Variants in KCNA1 observed in about 807,000 individuals in gnomAD.
The protein encoded by KCNA1 is potassium voltage-gated channel subfamily A member 1, also known as potassium channel, voltage gated shaker related subfamily A, member 1.
In KCNA1, 19 loss-of-function variants were observed where a neutral mutation model predicts 28.8. The ratio of observed to expected loss-of-function variants is 0.66; its 90% CI spans 0.46 to 0.97. KCNA1 has a LOEUF of 0.97. KCNA1 is among the 50% of genes least tolerant of loss of function. KCNA1 has a pLI of 0.00. For synonymous variants in KCNA1, 311 were observed against 268.8 expected (o/e 1.16, Z -1.53); for missense variants, 419 against 659.7 (o/e 0.64, Z 4.00).
In KCNA1 at chr12:4,911,402, C is replaced by G. The variant is rs1477627699; in HGVS notation, c.24C>G (p.Asn8Lys). 3 of 1,612,882 alleles carry G rather than the reference C, an allele frequency of 1.9e-6. No individual in the cohort carries two copies. The highest frequency in any genetic ancestry group is 1.7e-6 in the Non-Finnish European group (2 of 1,179,808). Residue 8 changes from asparagine to lysine, a missense_variant, in exon 2 of 2, where the codon AAC becomes AAG. Coordinates refer to ENST00000382545, the MANE Select transcript of KCNA1 (RefSeq NM_000217.3). The surrounding 1 kb of genome is among the most constrained non-coding windows in gnomAD (Gnocchi z 6.6). ...CCATGACGGTGATGTCTGGGGAGAA[C>G]GTGGACGAGGCTTCGGCCGCCCCGG... MTVMSGE[N>K]VDEASAAPGH...
At position 4,911,814 on chromosome 12, in the gene KCNA1, G is replaced by C; in HGVS notation, c.436G>C (p.Glu146Gln). The change falls in exon 2 of 2, where the codon GAG (glutamate) becomes CAG (glutamine). Residue 146 changes from glutamate to glutamine, a missense_variant. Physicochemically the swap from Glu to Gln is conservative, Grantham distance 29 (BLOSUM62 2). Around this residue, in one of 4 missense-constraint regions of KCNA1, gnomAD observed 217 missense variants for 329.6 expected, o/e 0.66. Coordinates refer to ENST00000382545, the MANE Select transcript of KCNA1 (RefSeq NM_000217.3). The surrounding 1 kb of genome is among the most constrained non-coding windows in gnomAD (Gnocchi z 6.6). ...CAAGGAGGAGGAGCGCCCTCTGCCC[G>C]AGAAGGAGTACCAGCGCCAGGTGTG... ...FIKEEERPLP[E>Q]KEYQRQVWLL... 4 of 1,613,958 alleles carry C rather than the reference G, an allele frequency of 2.5e-6. No homozygotes were observed. Among genetic ancestry groups the C allele is most frequent in the Non-Finnish European group, 3.4e-6 (4 of 1,179,948 alleles).
At position 4,917,383 on chromosome 12, in the gene KCNA1, T is replaced by A. The variant is rs1947392059; in HGVS notation, c.*4517T>A. The A allele has an allele frequency of 6.0e-6, 1 of 167,118 alleles. No homozygotes were observed. Among genetic ancestry groups the A allele is most frequent in the Non-Finnish European group, 1.5e-5 (1 of 68,118 alleles). 10.4% of individuals were successfully genotyped at this position (167,118 alleles called of 1,614,324 possible). The stretch of plus-strand genomic sequence containing the variant: ...CAGGTAAACCTTTAAAGAATGTATG[T>A]TACTTACCATTTTTGTAAAGAAGCA... On this transcript the variant is annotated 3_prime_UTR_variant, in exon 2 of 2. Transcript: ENST00000382545.
rs1135401950 is a variant in KCNA1 at position 4,912,561 on chromosome 12, G to A, written c.1183G>A (p.Ala395Thr). 1 of 1,613,700 alleles carries A rather than the reference G, an allele frequency of 6.2e-7. No homozygotes were observed. The highest frequency in any genetic ancestry group is 8.5e-7 in the Non-Finnish European group (1 of 1,179,968). ...GATCGTGGGCTCCTTGTGTGCCATC[G>A]CTGGTGTGCTAACAATTGCCCTGCC... ...GKIVGSLCAI[A>T]GVLTIALPVP... The change falls in exon 2 of 2, where the codon GCT becomes ACT. Residue 395 changes from alanine (A) to threonine (T), a missense_variant. Transcript: ENST00000382545.
rs745560718 is a variant in KCNA1, at chr12:4,916,396, C to T, written c.*3530C>T. 2 of 167,130 alleles carry T rather than the reference C, an allele frequency of 1.2e-5. No individual in the cohort carries two copies. The highest frequency in any genetic ancestry group is 2.9e-5 in the Non-Finnish European group (2 of 68,134). 10.4% of individuals were successfully genotyped at this position (167,130 alleles called of 1,614,324 possible). ...CCAGGGCTGTTAGCCATCCCAGAATCTCTGAAGTGGTTAACTCACCTGAAG... is the reference window on the plus strand; with the variant it reads ...CCAGGGCTGTTAGCCATCCCAGAATTTCTGAAGTGGTTAACTCACCTGAAG... On this transcript the variant is annotated 3_prime_UTR_variant, in exon 2 of 2. Transcript: ENST00000382545.
rs1340985082 is a variant in KCNA1 at position 4,913,747 on chromosome 12, A to T, written c.*881A>T. The T allele has an allele frequency of 6.0e-6, 1 of 167,022 alleles. No homozygotes were observed. Among genetic ancestry groups the T allele is most frequent in the Non-Finnish European group, 1.5e-5 (1 of 68,130 alleles). 10.3% of individuals were successfully genotyped at this position (167,022 alleles called of 1,614,324 possible). A position where few individuals can be genotyped will look rare whatever the true frequency, so the allele number is the denominator to read the frequency against. On this transcript the variant is annotated 3_prime_UTR_variant, in exon 2 of 2. Transcript: ENST00000382545. ...ATGTAAGCATGTTTGAATCTGATAC[A>T]ATTTATTTTATAATCGCATGCTGAG...
rs998741310 is a variant in KCNA1, at chr12:4,916,722, G to T, written c.*3856G>T. ...GTAGGGCAGGTTTAGATTCCACTATGGTGGACGTGAAGCACAGGTGGTGTC... is the reference window on the plus strand; with the variant it reads ...GTAGGGCAGGTTTAGATTCCACTATTGTGGACGTGAAGCACAGGTGGTGTC... On this transcript the variant is annotated 3_prime_UTR_variant, in exon 2 of 2. Coordinates refer to ENST00000382545, the MANE Select transcript of KCNA1 (RefSeq NM_000217.3). 1 of 167,000 alleles carries T rather than the reference G, an allele frequency of 6.0e-6. No individual in the cohort carries two copies. The highest frequency in any genetic ancestry group is 1.5e-5 in the Non-Finnish European group (1 of 68,096). The allele number at this position is 167,000 out of a possible 1,614,324, so 10.3% of individuals were successfully genotyped here. A position where few individuals can be genotyped will look rare whatever the true frequency, so the allele number is the denominator to read the frequency against.
In KCNA1 at chr12:4,911,846, C is replaced by T. The variant is rs1055080837; in HGVS notation, c.468C>T (p.Leu156=). 4.3e-6 allele frequency: 7 copies of T among 1,613,980 alleles called. No individual in the cohort carries two copies. The highest frequency in any genetic ancestry group is 3.3e-5 in the South Asian group (3 of 91,044). Reference sequence around the variant, plus strand: ...AGTACCAGCGCCAGGTGTGGCTGCTCTTCGAGTACCCCGAGAGCTCGGGGC... The same window carrying T: ...AGTACCAGCGCCAGGTGTGGCTGCTTTTCGAGTACCCCGAGAGCTCGGGGC... ...EKEYQRQVWL[L]FEYPESSGPA... is the part of the protein sequence containing the mutation. The change falls in exon 2 of 2, where the codon CTC becomes CTT. Residue 156 remains leucine, a synonymous_variant. Coordinates refer to ENST00000382545, the MANE Select transcript of KCNA1 (RefSeq NM_000217.3). The surrounding 1 kb of genome is among the most constrained non-coding windows in gnomAD (Gnocchi z 6.6).
At position 4,912,990 on chromosome 12, in the gene KCNA1, T is replaced by C; in HGVS notation, c.*124T>C. On this transcript the variant is annotated 3_prime_UTR_variant, in exon 2 of 2. Coordinates refer to ENST00000382545, the MANE Select transcript of KCNA1 (RefSeq NM_000217.3). ...ACTTTACTAAGTAGACTTGGAATGC[T>C]CTATTTAACTGTCAATGCGTTGTTG... 1.3e-6 allele frequency: 1 copy of C among 769,888 alleles called. No individual in the cohort carries two copies. Among genetic ancestry groups the C allele is most frequent in the Middle Eastern group, 2.3e-4 (1 of 4,268 alleles). The allele number at this position is 769,888 out of a possible 1,614,324, so 47.7% of individuals were successfully genotyped here.
chr12:4,912,441 C>T lies in KCNA1; in HGVS notation c.1063C>T (p.His355Tyr). 6.2e-7 allele frequency: 1 copy of T among 1,613,956 alleles called. No individual in the cohort carries two copies. The highest frequency in any genetic ancestry group is 8.5e-7 in the Non-Finnish European group (1 of 1,180,012). The change falls in exon 2 of 2, where the codon CAC becomes TAC. Residue 355 changes from histidine to tyrosine, a missense_variant. By Grantham distance (83) the His-to-Tyr change is moderately conservative. Around this residue, in one of 4 missense-constraint regions of KCNA1, gnomAD observed 54 missense variants for 186.4 expected, o/e 0.29. Coordinates refer to ENST00000382545, the MANE Select transcript of KCNA1 (RefSeq NM_000217.3). Reference protein sequence around the residue: ...YFAEAEEAESHFSSIPDAFWW... With the variant: ...YFAEAEEAESYFSSIPDAFWW... ...TGCCGAGGCGGAAGAAGCTGAGTCG[C>T]ACTTCTCCAGTATCCCCGATGCTTT... is the stretch of plus-strand genomic sequence containing the variant.
rs1389451812 is a variant in KCNA1 at position 4,917,034 on chromosome 12, G to A, written c.*4168G>A. 6.0e-6 allele frequency: 1 copy of A among 167,018 alleles called. No homozygotes were observed. Among genetic ancestry groups the A allele is most frequent in the Non-Finnish European group, 1.5e-5 (1 of 68,114 alleles). 10.3% of individuals were successfully genotyped at this position (167,018 alleles called of 1,614,324 possible). ...AAAGGAGAAAGAACATTAGCAGAAG[G>A]CACTTTCCCATTTTCTTCCAGGAAT... On this transcript the variant is annotated 3_prime_UTR_variant, in exon 2 of 2. Transcript: ENST00000382545.
rs1015925230 is a variant in KCNA1 at position 4,910,606 on chromosome 12, T to G, written c.-540+134T>G. On this transcript the variant is annotated intron_variant, in intron 1 of 1. Transcript: ENST00000382545. This position sits in a 1 kb window ranked among gnomAD's most constrained non-coding sequence, Gnocchi z 4.9. Reference sequence around the variant, plus strand: ...CTCTCGGCGCTTTTCCGATCTCTAGTTTAACGAAGTTGTAAACAGATCGGC... The same window carrying G: ...CTCTCGGCGCTTTTCCGATCTCTAGGTTAACGAAGTTGTAAACAGATCGGC... The G allele has an allele frequency of 7.2e-5, 11 of 152,648 alleles. No individual in the cohort carries two copies. The highest frequency in any genetic ancestry group is 2.4e-4 in the African/African-American group (10 of 41,438). The allele number at this position is 152,648 out of a possible 1,614,324, so 9.5% of individuals were successfully genotyped here.
Position 4,911,038 on chromosome 12 carries a change from G to A in KCNA1, c.-341G>A, listed in dbSNP as rs1033729370. On this transcript the variant is annotated 5_prime_UTR_variant, in exon 2 of 2. Transcript: ENST00000382545. The surrounding 1 kb of genome is among the most constrained non-coding windows in gnomAD (Gnocchi z 6.6). ...AGCAATGGCCCAGTCCGCTAGAACG[G>A]CACTGCGTTAAGGCACCTGGGATCA... is the stretch of plus-strand genomic sequence containing the variant. 5 of 378,714 alleles carry A rather than the reference G, an allele frequency of 1.3e-5. No homozygotes were observed. Among genetic ancestry groups the A allele is most frequent in the African/African-American group, 1.0e-4 (5 of 47,992 alleles). 23.5% of individuals were successfully genotyped at this position (378,714 alleles called of 1,614,324 possible).
rs969708488 is a variant in KCNA1 at position 4,911,108 on chromosome 12, C to G, written c.-271C>G. ...CAACAACAGAAAACCAACAAACCCC[C>G]AAACCCAAACCCAACCCTCTGCAAA... On this transcript the variant is annotated 5_prime_UTR_variant, in exon 2 of 2. Transcript: ENST00000382545. The surrounding 1 kb of genome is among the most constrained non-coding windows in gnomAD (Gnocchi z 6.6). 4 of 574,342 alleles carry G rather than the reference C, an allele frequency of 7.0e-6. No homozygotes were observed. The highest frequency in any genetic ancestry group is 1.2e-5 in the Non-Finnish European group (4 of 321,244). 35.6% of individuals were successfully genotyped at this position (574,342 alleles called of 1,614,324 possible). A position where few individuals can be genotyped will look rare whatever the true frequency, so the allele number is the denominator to read the frequency against.
In KCNA1 at chr12:4,910,974, A is replaced by G. The variant is rs1292866805; in HGVS notation, c.-405A>G. ...GCCGGCACTGCACCGGGTCCTAGGA[A>G]GGCTCTCGGAGGGGAGGGGAGGCCA... On this transcript the variant is annotated 5_prime_UTR_variant, in exon 2 of 2. Coordinates refer to ENST00000382545, the MANE Select transcript of KCNA1 (RefSeq NM_000217.3). The surrounding 1 kb of genome is among the most constrained non-coding windows in gnomAD (Gnocchi z 4.9). 1 of 246,926 alleles carries G rather than the reference A, an allele frequency of 4.0e-6. No individual in the cohort carries two copies. The highest frequency in any genetic ancestry group is 7.9e-6 in the Non-Finnish European group (1 of 126,118). 15.3% of individuals were successfully genotyped at this position (246,926 alleles called of 1,614,324 possible). A position where few individuals can be genotyped will look rare whatever the true frequency, so the allele number is the denominator to read the frequency against.
At position 4,911,350 on chromosome 12, in the gene KCNA1, G is replaced by A. The variant is rs75906135; in HGVS notation, c.-29G>A. 6.8e-6 allele frequency: 11 copies of A among 1,607,146 alleles called. No homozygotes were observed. In the East Asian group the frequency reaches 2.5e-4, roughly 36 times the overall value. On this transcript the variant is annotated 5_prime_UTR_variant, in exon 2 of 2. Transcript: ENST00000382545. The surrounding 1 kb of genome is among the most constrained non-coding windows in gnomAD (Gnocchi z 6.6). Reference sequence around the variant, plus strand: ...GCTTCCCACCCCGGGCTCTCTCCTGGCCTCCCACCCCCGCGCCCGGCTTCC... The same window carrying A: ...GCTTCCCACCCCGGGCTCTCTCCTGACCTCCCACCCCCGCGCCCGGCTTCC...
chr12:4,911,411 G>C lies in KCNA1; in HGVS notation c.33G>C (p.Glu11Asp). MTVMSGENVD[E>D]ASAAPGHPQD... Reference sequence around the variant, plus strand: ...TGATGTCTGGGGAGAACGTGGACGAGGCTTCGGCCGCCCCGGGCCACCCCC... The same window carrying C: ...TGATGTCTGGGGAGAACGTGGACGACGCTTCGGCCGCCCCGGGCCACCCCC... The change falls in exon 2 of 2, where the codon GAG becomes GAC. Residue 11 changes from glutamate to aspartate, a missense_variant. Glu to Asp is a conservative substitution (Grantham distance 45, BLOSUM62 2). Around this residue, in one of 4 missense-constraint regions of KCNA1, gnomAD observed 67 missense variants for 57.2 expected, o/e 1.17. Transcript: ENST00000382545. This position sits in a 1 kb window ranked among gnomAD's most constrained non-coding sequence, Gnocchi z 6.6. The C allele has an allele frequency of 6.2e-7, 1 of 1,613,140 alleles. No individual in the cohort carries two copies.
chr12:4,918,094 T>A lies in KCNA1; in HGVS notation c.*5228T>A, dbSNP rs980308198. The A allele has an allele frequency of 2.4e-5, 4 of 167,124 alleles. No homozygotes were observed. Among genetic ancestry groups the A allele is most frequent in the Non-Finnish European group, 5.9e-5 (4 of 68,124 alleles). 10.4% of individuals were successfully genotyped at this position (167,124 alleles called of 1,614,324 possible). ...CACCTACTGCGCATTCTCCCTTCTC[T>A]AACTGTGTAATATGTCAGGTCAAGG... On this transcript the variant is annotated 3_prime_UTR_variant, in exon 2 of 2. Coordinates refer to ENST00000382545, the MANE Select transcript of KCNA1 (RefSeq NM_000217.3).
Position 4,913,638 on chromosome 12 carries a change from C to A in KCNA1, c.*772C>A, listed in dbSNP as rs1591628351. 6.0e-6 allele frequency: 1 copy of A among 167,118 alleles called. No homozygotes were observed. The highest frequency in any genetic ancestry group is 2.4e-5 in the African/African-American group (1 of 41,450). 10.4% of individuals were successfully genotyped at this position (167,118 alleles called of 1,614,324 possible). ...GAGCCAAATACAGGTCTTTTCTCAC[C>A]AGGCCTGCACTCCGACCCCTGGCTT... On this transcript the variant is annotated 3_prime_UTR_variant, in exon 2 of 2. Transcript: ENST00000382545.
Position 4,913,228 on chromosome 12 carries a change from A to G in KCNA1, c.*362A>G, listed in dbSNP as rs1947363613. The G allele has an allele frequency of 3.3e-6, 1 of 301,598 alleles. No homozygotes were observed. The highest frequency in any genetic ancestry group is 2.2e-5 in the African/African-American group (1 of 44,714). 18.7% of individuals were successfully genotyped at this position (301,598 alleles called of 1,614,324 possible). On this transcript the variant is annotated 3_prime_UTR_variant, in exon 2 of 2. Coordinates refer to ENST00000382545, the MANE Select transcript of KCNA1 (RefSeq NM_000217.3). ...GCTTTGGTTTCTTTAACTTTTTTAAAAACTCAGAACAAGATGATCACTTAG... is the reference window on the plus strand; with the variant it reads ...GCTTTGGTTTCTTTAACTTTTTTAAGAACTCAGAACAAGATGATCACTTAG...
Sources: gnomAD v4.1 joint callset for allele counts on GRCh38, gnomAD v4.1.1 for gene constraint, gnomAD v4.1.1 regional missense constraint, Gnocchi (gnomAD v3.1) non-coding constraint, MANE v1.5 for transcripts, NCBI Gene and HGNC (gene_info 2026-07-23, HGNC 2026-07-21) for gene names.